Variants in GLOD4 observed in about 807,000 individuals in gnomAD.
GLOD4 encodes the protein glyoxalase domain-containing protein 4.
In GLOD4, 44 loss-of-function variants were observed where a neutral mutation model predicts 39.1. That is an observed-to-expected ratio of 1.13 (90% CI 0.88 to 1.45). The LOEUF (loss-of-function observed/expected upper bound fraction) is 1.45. Ranked by LOEUF, GLOD4 falls within the 40% of genes most tolerant of loss-of-function variation. The probability of loss-of-function intolerance (pLI) is 0.00; values close to 1 mark genes in which losing one functional copy is unlikely to be tolerated. For synonymous variants in GLOD4, 145 were observed against 135.0 expected (o/e 1.07, Z -0.52); for missense variants, 405 against 366.4 (o/e 1.11, Z -0.86).
chr17:769,886 T>C lies in GLOD4; in HGVS notation c.814A>G (p.Ser272Gly), dbSNP rs749838246. 2 of 1,598,462 alleles carry C rather than the reference T, an allele frequency of 1.3e-6. No homozygotes were observed. Among genetic ancestry groups the C allele is most frequent in the African/African-American group, 2.7e-5 (2 of 74,716 alleles). Residue 272 changes from serine (S) to glycine (G), a missense_variant, in exon 8 of 9, where the codon AGC (serine) becomes GGC (glycine). Physicochemically the swap from Ser to Gly is moderately conservative, Grantham distance 56. Coordinates refer to ENST00000301329, the MANE Select transcript of GLOD4 (RefSeq NM_016080.4). ...RELSKMDPEG[S>G]KLLDDAMAAD... ...GGACTCACATCATCCAACAATTTGC[T>C]TCCCTCTGGATCCATCTTAGAAAGT...
At position 771,375 on chromosome 17, in the gene GLOD4, C is replaced by G; in HGVS notation, c.493G>C (p.Glu165Gln). 2.5e-6 allele frequency: 4 copies of G among 1,599,418 alleles called. No individual in the cohort carries two copies. The highest frequency in any genetic ancestry group is 3.4e-6 in the Non-Finnish European group (4 of 1,168,284). ...GCCCTTTGCTTTTCTTCATCTTTTT[C>G]ATAAATTTTCATTCCCAGTAGATTA... ...WCNLLGMKIY[E>Q]KDEEKQRALL... The change falls in exon 5 of 9, where the codon GAA becomes CAA. Residue 165 changes from glutamate to glutamine, a missense_variant. Glu to Gln is a conservative substitution (Grantham distance 29). Transcript: ENST00000301329.
rs1905176747 is a variant in GLOD4 at position 759,908 on chromosome 17, C to G, written c.*265G>C. ...TCCTAGTCTGGACAATCATCTGTCA[C>G]TCATCCAACACAGTTATATACAGAA... On this transcript the variant is annotated 3_prime_UTR_variant, in exon 9 of 9. Coordinates refer to ENST00000301329, the MANE Select transcript of GLOD4 (RefSeq NM_016080.4). The G allele has an allele frequency of 7.1e-6, 3 of 423,672 alleles. No individual in the cohort carries two copies. The highest frequency in any genetic ancestry group is 1.3e-5 in the Non-Finnish European group (3 of 237,440). 26.2% of individuals were successfully genotyped at this position (423,672 alleles called of 1,614,324 possible).
chr17:776,066 A>T lies in GLOD4; in HGVS notation c.262-147T>A, dbSNP rs1375653687. On this transcript the variant is annotated intron_variant, in intron 3 of 8. Coordinates refer to ENST00000301329, the MANE Select transcript of GLOD4 (RefSeq NM_016080.4). ...ATCCAACATTTTCTTCTAGTGATTTAAAAACAGGTTTTCAATGTTTTATCC... is the reference window on the plus strand; with the variant it reads ...ATCCAACATTTTCTTCTAGTGATTTTAAAACAGGTTTTCAATGTTTTATCC... 6.4e-6 allele frequency: 4 copies of T among 621,202 alleles called. No individual in the cohort carries two copies. The Admixed American group carries it at 1.3e-4, about 20-fold the overall frequency. The allele number at this position is 621,202 out of a possible 1,614,324, so 38.5% of individuals were successfully genotyped here.
chr17:780,506 C>G (rs1014901166), intron 1 of GLOD4: 2 of 152,250 alleles, frequency 1.3e-5, no homozygotes, highest in African/African-American at 2.4e-5. Context: ...CTCCTCTCAT[C>G]TACCTGTGGA....
At chr17:783,851 C>G (rs976772167), upstream of GLOD4, among the ~76,000 whole-genome samples, 1 of 152,108 alleles carries the variant, frequency 6.6e-6, no homozygotes, top group Non-Finnish European at 1.5e-5. Context: ...ACCACTATTC[C>G]TCAAACCTTC....
At chr17:781,263 C>G (rs903782428) in intron 1 of GLOD4, among the ~76,000 whole-genome samples, 2 of 152,144 alleles carry the variant, frequency 1.3e-5, no homozygotes, top group African/African-American at 4.8e-5. Flanking sequence ...CGAGGAAATA[C>G]TAACAAGGGA....
intron 4 of GLOD4, among the ~76,000 whole-genome samples, chr17:772,910 G>A (rs1436843279): frequency 6.6e-6 from 1 of 151,910 alleles, no homozygotes; most frequent in African/African-American, 2.4e-5. Flanking sequence ...CAGGAGAATG[G>A]CGTGAACCCG....
At chr17:768,284 G>T (rs370915906) in intron 8 of GLOD4, among the ~76,000 whole-genome samples, 2 of 146,752 alleles carry the variant, frequency 1.4e-5, no homozygotes, top group East Asian at 2.1e-4. Flanking sequence ...GTGAGAGAGA[G>T]AAACAGGGCG....
At chr17:782,116 G>GGCGCCGGTTCCAGCCTCGC in intron 1 of GLOD4, 50 bp downstream of exon 1, 1 of 1,413,440 alleles carries the variant, frequency 7.1e-7, no homozygotes, top group Middle Eastern at 1.9e-4. Flanking sequence ...GGCCGGCTCG[G>GGCGCCGGTTCCAGCCTCGC]GCGCCGGTTC....
At chr17:785,386 T>C (rs1910486931), upstream of GLOD4, among the ~76,000 whole-genome samples, 1 of 149,446 alleles carries the variant, frequency 6.7e-6, no homozygotes, top group South Asian at 2.1e-4. Context: ...ATTAATAATG[T>C]AGAGATTATA....
Position 760,050 on chromosome 17 carries a change from C to G in GLOD4, c.*123G>C. Reference sequence around the variant, plus strand: ...AAAGATTGAAATACACAAATCTGCACTACCCAAGCCTCCTTGCCTGTACGG... The same window carrying G: ...AAAGATTGAAATACACAAATCTGCAGTACCCAAGCCTCCTTGCCTGTACGG... On this transcript the variant is annotated 3_prime_UTR_variant, in exon 9 of 9. Transcript: ENST00000301329. 1.5e-6 allele frequency: 1 copy of G among 679,292 alleles called. No homozygotes were observed. Among genetic ancestry groups the G allele is most frequent in the East Asian group, 2.5e-5 (1 of 39,772 alleles). 42.1% of individuals were successfully genotyped at this position (679,292 alleles called of 1,614,324 possible).
At position 782,203 on chromosome 17, in the gene GLOD4, T is replaced by G. The variant is rs775518338; in HGVS notation, c.53A>C (p.Gln18Pro). Reference protein sequence around the residue: ...HFVFKVGNRFQTARFYRDVLG... With the variant: ...HFVFKVGNRFPTARFYRDVLG... ...GACGTCCCGATAGAAACGCGCCGTC[T>G]GGAAGCGGTTTCCCACTTTGAATAC... The change falls in exon 1 of 9, where the codon CAG (glutamine) becomes CCG (proline). Residue 18 changes from glutamine to proline, a missense_variant. Physicochemically the swap from Gln to Pro is moderately conservative, Grantham distance 76. Coordinates refer to ENST00000301329, the MANE Select transcript of GLOD4 (RefSeq NM_016080.4). The G allele has an allele frequency of 6.2e-7, 1 of 1,613,272 alleles. No individual in the cohort carries two copies. The highest frequency in any genetic ancestry group is 1.7e-5 in the Admixed American group (1 of 60,004).
intron 8 of GLOD4, among the ~76,000 whole-genome samples, chr17:767,802 T>A (rs989670819): frequency 3.5e-5 from 5 of 141,398 alleles, no homozygotes; most frequent in Non-Finnish European, 7.5e-5. Context: ...CAGCGCGCAC[T>A]CAGATTTTTA....
In GLOD4 at chr17:775,881, G is replaced by A; in HGVS notation, c.300C>T (p.Ala100=). The change falls in exon 4 of 9, where the codon GCC becomes GCT. Residue 100 remains alanine, a synonymous_variant. Transcript: ENST00000301329. Reference sequence around the variant, plus strand: ...CCGTCAGTGGCCACTCCAGCTTCCTGGCGTTGCTGACAGCCTGGCTAGAAG... The same window carrying A: ...CCGTCAGTGGCCACTCCAGCTTCCTAGCGTTGCTGACAGCCTGGCTAGAAG... ...TLASSQAVSN[A]RKLEWPLTEV... is the part of the protein sequence containing the mutation. 6.2e-7 allele frequency: 1 copy of A among 1,613,468 alleles called. No homozygotes were observed. Among genetic ancestry groups the A allele is most frequent in the Non-Finnish European group, 8.5e-7 (1 of 1,179,388 alleles).
upstream of GLOD4, chr17:783,181 G>C: frequency 6.2e-7 from 1 of 1,614,094 alleles, no homozygotes; most frequent in Non-Finnish European, 8.5e-7. Flanking sequence ...CTCAAGGCTG[G>C]AGCTGTGCCA....
At chr17:776,461 T>C (rs1357836596) in intron 3 of GLOD4, among the ~76,000 whole-genome samples, 1 of 152,202 alleles carries the variant, frequency 6.6e-6, no homozygotes, top group Non-Finnish European at 1.5e-5. Flanking sequence ...AAACGCATCC[T>C]ATAGTCCACC....
At chr17:772,791 A>T (rs590746) in intron 4 of GLOD4, among the ~76,000 whole-genome samples, 1 of 152,162 alleles carries the variant, frequency 6.6e-6, no homozygotes, top group Non-Finnish European at 1.5e-5. Context: ...GTCAGGAGAT[A>T]GAGACCATCC....
chr17:767,663 G>C (rs1051576163), intron 8 of GLOD4, among the ~76,000 whole-genome samples: 5 of 151,552 alleles, frequency 3.3e-5, no homozygotes, highest in African/African-American at 9.7e-5. Context: ...AATCTGGAGA[G>C]GACGTGAGAG....
At chr17:768,867 G>C (rs1907328026) in intron 8 of GLOD4, among the ~76,000 whole-genome samples, 1 of 150,606 alleles carries the variant, frequency 6.6e-6, no homozygotes, top group Non-Finnish European at 1.5e-5. Flanking sequence ...CAGATTTTTA[G>C]AAGAAATCTG....
Sources: allele counts gnomAD v4.1 joint callset (sites outside exome capture counted in the v4.1 genomes callset), GRCh38; gene constraint gnomAD v4.1.1; transcripts MANE v1.5; gene names NCBI Gene and HGNC (gene_info 2026-07-23, HGNC 2026-07-21).